The following RBFOX1 variants were observed in gnomAD, a reference collection of about 807,000 sequenced individuals.
RBFOX1 encodes the protein RNA binding fox-1 homolog 1.
In RBFOX1, 8 loss-of-function variants were observed where a neutral mutation model predicts 57.7. The ratio of observed to expected loss-of-function variants is 0.14; its 90% CI spans 0.08 to 0.25. The LOEUF (loss-of-function observed/expected upper bound fraction) is 0.25. Among genes scored for constraint, RBFOX1 ranks in the 10% least tolerant of loss-of-function variants. The pLI is 1.00. For synonymous variants in RBFOX1, 326 were observed against 222.4 expected (o/e 1.47, Z -4.15); for missense variants, 611 against 548.5 (o/e 1.11, Z -1.14).
At position 7,294,845 on chromosome 16, in the gene RBFOX1, T is replaced by C. The variant is rs548735790; in HGVS notation, c.28-223302T>C. ...GCAGCATCTCTACTGCTGTTTGTAT[T>C]GCATGGTTAAAAAGGATACTTTCTC... On this transcript the variant is annotated intron_variant, in intron 4 of 15. Coordinates refer to ENST00000550418, the MANE Select transcript of RBFOX1 (RefSeq NM_018723.4). 9.8e-5 allele frequency among the ~76,000 whole-genome samples: 15 copies of C among 152,296 alleles called. No homozygotes were observed. The East Asian group carries it at 2.9e-3, about 29-fold the overall frequency.
intron 10 of RBFOX1, 136 bp downstream of exon 10, chr16:7,607,474 G>C (rs1375709512): frequency 2.3e-5 from 19 of 843,518 alleles, no homozygotes; most frequent in Non-Finnish European, 2.9e-5. Context: ...GATTTCTTTG[G>C]GCAAAATCAA....
intron 1 of RBFOX1, among the ~76,000 whole-genome samples, chr16:6,272,951 T>C (rs796689021): frequency 2.0e-4 from 30 of 152,188 alleles, no homozygotes; most frequent in African/African-American, 5.8e-4. Context: ...AACATAAAAC[T>C]ATAAAACATT....
intron 3 of RBFOX1, among the ~76,000 whole-genome samples, chr16:5,729,009 G>A (rs946354262): frequency 2.6e-5 from 4 of 152,208 alleles, no homozygotes; most frequent in Non-Finnish European, 5.9e-5. Context: ...CCGCTGACAG[G>A]TGAGAGCTCT....
chr16:7,682,561 A>C (rs1016262558), intron 14 of RBFOX1, among the ~76,000 whole-genome samples: 1 of 149,004 alleles, frequency 6.7e-6, no homozygotes, highest in African/African-American at 2.5e-5. Context: ...TTTTTTTTTA[A>C]TCTTTTATTT....
chr16:6,022,977 T>G (rs924622107), intron 1 of RBFOX1, among the ~76,000 whole-genome samples: 1 of 152,158 alleles, frequency 6.6e-6, no homozygotes, highest in Non-Finnish European at 1.5e-5. Context: ...CTTTACTGCA[T>G]GAGGGATTCG....
At chr16:6,517,002 A>G (rs114725872) in intron 2 of RBFOX1, among the ~76,000 whole-genome samples, 439 of 152,304 alleles carry the variant, frequency 2.9e-3, no homozygotes, top group African/African-American at 9.5e-3. Context: ...CTGTGAGCAT[A>G]AATTCCTACT....
intron 3 of RBFOX1, among the ~76,000 whole-genome samples, chr16:7,048,426 A>AT: frequency 6.6e-6 from 1 of 151,700 alleles, no homozygotes; most frequent in Middle Eastern, 3.4e-3. Flanking sequence ...CACCCAGCTA[A>AT]TTTTTTGTAT....
chr16:7,641,878 G>C (rs998875669), intron 11 of RBFOX1, among the ~76,000 whole-genome samples: 1 of 152,150 alleles, frequency 6.6e-6, no homozygotes, highest in Non-Finnish European at 1.5e-5. Context: ...GCGTCCTCCA[G>C]GCTGCTTGAG....
At chr16:6,912,597 C>G (rs940348323) in intron 3 of RBFOX1, among the ~76,000 whole-genome samples, 1 of 139,968 alleles carries the variant, frequency 7.1e-6, no homozygotes, top group Non-Finnish European at 1.5e-5. Context: ...TTCTTGCTTT[C>G]TTTTCTTGTG....
chr16:6,466,019 A>C (rs1291350671), intron 2 of RBFOX1, among the ~76,000 whole-genome samples: 1 of 152,046 alleles, frequency 6.6e-6, no homozygotes, highest in Non-Finnish European at 1.5e-5. Context: ...ACTTGAGGTC[A>C]CGAGTTTGAG....
chr16:6,548,771 G>A (rs912660445), intron 2 of RBFOX1, among the ~76,000 whole-genome samples: 3 of 152,078 alleles, frequency 2.0e-5, no homozygotes, highest in African/African-American at 7.2e-5. Flanking sequence ...TCCACACGTA[G>A]TCTTCGAGAA....
chr16:6,969,676 G>A (rs1475056005), intron 3 of RBFOX1, among the ~76,000 whole-genome samples: 2 of 151,994 alleles, frequency 1.3e-5, no homozygotes, highest in Admixed American at 6.6e-5. Flanking sequence ...TCTGGGAGGC[G>A]GAGGTTGCAG....
intron 2 of RBFOX1, among the ~76,000 whole-genome samples, chr16:6,626,144 T>G (rs1219382179): frequency 6.6e-6 from 1 of 152,068 alleles, no homozygotes; most frequent in African/African-American, 2.4e-5. Flanking sequence ...TGCAGGTTTT[T>G]TTTTTTTTTT....
At chr16:6,488,550 C>T (rs1281515155) in intron 2 of RBFOX1, among the ~76,000 whole-genome samples, 1 of 152,104 alleles carries the variant, frequency 6.6e-6, no homozygotes, top group African/African-American at 2.4e-5. Flanking sequence ...AAACAATTTT[C>T]AAGACTTTTT....
In RBFOX1 at chr16:6,606,224, G is replaced by A. The variant is rs955926209; in HGVS notation, c.-63-48379G>A. ...GACAGGTAATCGGAGGCTAAAATAG[G>A]AATCCTGTGAAGTACTACTGCCTTT... On this transcript the variant is annotated intron_variant, in intron 2 of 15. Transcript: ENST00000550418. Among the ~76,000 whole-genome samples the A allele has an allele frequency of 3.9e-5, 6 of 152,144 alleles. No individual in the cohort carries two copies. In the South Asian group the frequency reaches 1.2e-3, roughly 32 times the overall value.
At chr16:7,014,406 T>C (rs191126942) in intron 3 of RBFOX1, among the ~76,000 whole-genome samples, 1 of 151,808 alleles carries the variant, frequency 6.6e-6, no homozygotes, top group Admixed American at 6.6e-5. Flanking sequence ...TTTGTTTTTA[T>C]TTTATTTTAT....
At chr16:5,483,037 C>T (rs1399121574) in intron 2 of RBFOX1, among the ~76,000 whole-genome samples, 2 of 152,188 alleles carry the variant, frequency 1.3e-5, no homozygotes, top group Non-Finnish European at 2.9e-5. Flanking sequence ...GTCAATAAAA[C>T]ACATTCATGT....
intron 1 of RBFOX1, among the ~76,000 whole-genome samples, chr16:6,285,535 C>T (rs1342955677): frequency 6.6e-6 from 1 of 152,146 alleles, no homozygotes; most frequent in South Asian, 2.1e-4. Context: ...TGATTCCATG[C>T]ACAAGGAGAG....
At chr16:6,044,533 G>A (rs1303271938) in intron 1 of RBFOX1, among the ~76,000 whole-genome samples, 1 of 151,720 alleles carries the variant, frequency 6.6e-6, no homozygotes, top group Admixed American at 6.6e-5. Flanking sequence ...GTGAGCTAAT[G>A]AGCTAATTAC....
Sources: gnomAD v4.1 joint callset for allele counts (sites outside exome capture counted in the v4.1 genomes callset) on GRCh38, gnomAD v4.1.1 for gene constraint, MANE v1.5 for transcripts, NCBI Gene and HGNC (gene_info 2026-07-23, HGNC 2026-07-21) for gene names.